The following UBE2U variants were observed in gnomAD, a reference collection of about 807,000 sequenced individuals.
UBE2U encodes the protein ubiquitin conjugating enzyme E2 U.
Under a neutral mutation model 41.2 loss-of-function variants are expected in UBE2U, and 39 were observed. The observed-to-expected ratio is 0.95, with a 90% CI of 0.73 to 1.24. The LOEUF (loss-of-function observed/expected upper bound fraction) is 1.24, where lower values mean the gene tolerates loss of function less well. Ranked by LOEUF, UBE2U falls within the 50% of genes most tolerant of loss-of-function variation. UBE2U has a pLI of 0.00. For synonymous variants in UBE2U, 107 were observed against 117.8 expected, an observed-to-expected ratio of 0.91 and a Z score of 0.60; for missense variants, 336 against 363.1, an observed-to-expected ratio of 0.93 and a Z score of 0.61.
chr1:64,239,174 A>AGAAGAAGAAGAAGAAGAAGAAG (rs1644781103), intron 7 of UBE2U, among the ~76,000 whole-genome samples: 2 of 94,488 alleles, frequency 2.1e-5, no homozygotes, highest in African/African-American at 8.8e-5. Flanking sequence ...AAGAAGAAGA[A>AGAAGAAGAAGAAGAAGAAGAAG]GAAGAAGAAG....
chr1:64,221,820 C>T (rs536863736), intron 6 of UBE2U, among the ~76,000 whole-genome samples: 2 of 152,190 alleles, frequency 1.3e-5, no homozygotes, highest in Non-Finnish European at 2.9e-5. Context: ...AGAGCAGTGG[C>T]TCACGCCTGT....
At position 64,214,910 on chromosome 1, in the gene UBE2U, A is replaced by G. The variant is rs1281981167; in HGVS notation, c.435A>G (p.Arg145=). The G allele has an allele frequency of 6.2e-7, 1 of 1,614,058 alleles. No individual in the cohort carries two copies. Residue 145 remains arginine, a synonymous_variant, in exon 5 of 10, where the codon AGA becomes AGG. Transcript: ENST00000371077. ...KDESLYRTIL[R]LFNRPLQMKD... The stretch of plus-strand genomic sequence containing the variant: ...AATCTCTGTACAGAACAATTCTAAG[A>G]CTTTTCAACAGGCCATTACAAAGTA...
intron 6 of UBE2U, among the ~76,000 whole-genome samples, chr1:64,226,266 A>G (rs1180911130): frequency 1.3e-5 from 2 of 152,236 alleles, no homozygotes; most frequent in African/African-American, 4.8e-5. Context: ...CACAGTAACA[A>G]AAGAGTACAT....
At chr1:64,252,353 C>G (rs1285815887) in intron 8 of UBE2U, among the ~76,000 whole-genome samples, 1 of 152,156 alleles carries the variant, frequency 6.6e-6, no homozygotes, top group Admixed American at 6.5e-5. Flanking sequence ...GTGGTCTGGA[C>G]GAGGAAGGGT....
chr1:64,244,345 T>C, intron 8 of UBE2U: 2 of 804,482 alleles, frequency 2.5e-6, no homozygotes. Context: ...TAAAAATGTG[T>C]ATATTATATA....
chr1:64,205,137 T>A (rs901961421), intron 1 of UBE2U, among the ~76,000 whole-genome samples: 2 of 152,228 alleles, frequency 1.3e-5, no homozygotes, highest in Non-Finnish European at 2.9e-5. Flanking sequence ...TTCTATGAAA[T>A]ACATTCTTGT....
intron 8 of UBE2U, among the ~76,000 whole-genome samples, chr1:64,251,086 T>G (rs1645003558): frequency 6.6e-6 from 1 of 151,458 alleles, no homozygotes; most frequent in Admixed American, 6.6e-5. Context: ...AATCAATAAA[T>G]AGGGAATCCT....
intron 9 of UBE2U, among the ~76,000 whole-genome samples, chr1:64,265,733 C>G (rs1280825980): frequency 6.6e-6 from 1 of 152,152 alleles, no homozygotes; most frequent in Non-Finnish European, 1.5e-5. Context: ...CTCCTGCCAC[C>G]ACACCCGGCT....
chr1:64,239,141 GAAGAAGAAGAAGAAGAAAGAA>G, intron 7 of UBE2U, among the ~76,000 whole-genome samples: 1 of 28,160 alleles, frequency 3.6e-5, no homozygotes, highest in South Asian at 2.1e-3. Flanking sequence ...AGAAGAAGAA[GAAGAAGAAGAAGAAGAAAGAA>G]GAAGAAGAAG....
At chr1:64,224,717 T>A (rs2100347255) in intron 6 of UBE2U, among the ~76,000 whole-genome samples, 1 of 130,694 alleles carries the variant, frequency 7.7e-6, no homozygotes, top group Admixed American at 7.5e-5. Context: ...AGCGAGACTC[T>A]GTGTCAAAAA....
At chr1:64,230,514 T>C (rs1355823126) in intron 6 of UBE2U, among the ~76,000 whole-genome samples, 1 of 152,184 alleles carries the variant, frequency 6.6e-6, no homozygotes, top group Non-Finnish European at 1.5e-5. Flanking sequence ...CAACATCCTC[T>C]GTGTGTACAT....
chr1:64,266,502 T>G (rs1182342079), intron 9 of UBE2U, among the ~76,000 whole-genome samples: 1 of 152,174 alleles, frequency 6.6e-6, no homozygotes. Flanking sequence ...TTAAATAATA[T>G]TATAGCTGTC....
intron 2 of UBE2U, among the ~76,000 whole-genome samples, 174 bp from the exon 3 acceptor site, chr1:64,206,590 A>G (rs1460889564): frequency 6.6e-6 from 1 of 151,948 alleles, no homozygotes; most frequent in East Asian, 1.9e-4. Flanking sequence ...ATTATAATAG[A>G]TTGTGAAGTG....
Position 64,214,993 on chromosome 1 carries a change from G to C in UBE2U, c.457+61G>C. On this transcript the variant is annotated intron_variant, in intron 5 of 9. Transcript: ENST00000371077. ...CACGCCTGTAATCCCAACACTTTGGGAGGCTCAGGTGGGTGGATCATCTGA... is the reference window on the plus strand; with the variant it reads ...CACGCCTGTAATCCCAACACTTTGGCAGGCTCAGGTGGGTGGATCATCTGA... 10 of 1,386,748 alleles carry C rather than the reference G, an allele frequency of 7.2e-6. No homozygotes were observed. The South Asian group carries it at 1.1e-4, about 15-fold the overall frequency. The allele number at this position is 1,386,748 out of a possible 1,614,324, so 85.9% of individuals were successfully genotyped here.
chr1:64,230,128 G>T (rs825181), intron 6 of UBE2U, among the ~76,000 whole-genome samples: 1,922 of 152,110 alleles, frequency 0.013, 27 homozygotes, highest in African/African-American at 0.044. Flanking sequence ...TTTTAGCATT[G>T]CCTTCAACTC....
At chr1:64,235,190 T>G (rs1027187439) in intron 7 of UBE2U, among the ~76,000 whole-genome samples, 1 of 152,202 alleles carries the variant, frequency 6.6e-6, no homozygotes, top group Admixed American at 6.5e-5. Context: ...ATTTTGTTGT[T>G]TCTACATCTT....
rs1645167043 is a variant in UBE2U at position 64,260,665 on chromosome 1, T to C, written c.740T>C (p.Met247Thr). Reference sequence around the variant, plus strand: ...ATGCCTCATGAAGTCACTCACTCAATGGAAGAAATTAAGCTCTGCCCAACT... The same window carrying C: ...ATGCCTCATGAAGTCACTCACTCAACGGAAGAAATTAAGCTCTGCCCAACT... ...KRMPHEVTHS[M>T]EEIKLCPTLN... is the part of the protein sequence containing the mutation. The change falls in exon 9 of 10, where the codon ATG becomes ACG. Residue 247 changes from methionine (M) to threonine (T), a missense_variant. Met to Thr is a moderately conservative substitution (Grantham distance 81). Coordinates refer to ENST00000371077, the MANE Select transcript of UBE2U (RefSeq NM_001366232.2). 6.5e-7 allele frequency: 1 copy of C among 1,549,622 alleles called. No individual in the cohort carries two copies. Among genetic ancestry groups the C allele is most frequent in the South Asian group, 1.2e-5 (1 of 83,992 alleles).
intron 4 of UBE2U, among the ~76,000 whole-genome samples, chr1:64,212,335 G>C (rs1422743082): frequency 6.6e-6 from 1 of 152,168 alleles, no homozygotes; most frequent in Non-Finnish European, 1.5e-5. Context: ...GAATGAACTG[G>C]TGAAAATTTT....
At chr1:64,239,757 C>T (rs1038548445) in intron 7 of UBE2U, among the ~76,000 whole-genome samples, 2 of 152,084 alleles carry the variant, frequency 1.3e-5, no homozygotes, top group African/African-American at 2.4e-5. Flanking sequence ...TTTTCTTAAT[C>T]CAGTCTATCA....
Sources: gnomAD v4.1 joint callset for allele counts (sites outside exome capture counted in the v4.1 genomes callset) on GRCh38, gnomAD v4.1.1 for gene constraint, MANE v1.5 for transcripts, NCBI Gene and HGNC (gene_info 2026-07-23, HGNC 2026-07-21) for gene names.